Variants in NDST1 observed in about 807,000 individuals in gnomAD.
NDST1 encodes N-deacetylase and N-sulfotransferase 1, also known as bifunctional heparan sulfate N-deacetylase/N-sulfotransferase 1.
A neutral mutation model predicts 92.8 loss-of-function variants in NDST1; 35 were observed. The ratio of observed to expected loss-of-function variants is 0.38; its 90% CI spans 0.29 to 0.50. NDST1 has a LOEUF of 0.50. NDST1 is among the 20% of genes least tolerant of loss of function. The probability of loss-of-function intolerance (pLI) is 0.94; values close to 1 mark genes in which losing one functional copy is unlikely to be tolerated. For missense variants in NDST1, 822 were observed against 1,182.7 expected (o/e 0.69, Z 4.47); for synonymous variants, 493 against 500.3 (o/e 0.99, Z 0.19).
intron 1 of NDST1, among the ~76,000 whole-genome samples, chr5:150,514,560 CA>C (rs34675841): frequency 0.094 from 5,177 of 55,122 alleles, 142 homozygotes; most frequent in African/African-American, 0.25. Flanking sequence ...GACTCCGTCT[CA>C]AAAAAAAAAA....
At chr5:150,522,769 C>T (rs993467558) in intron 2 of NDST1, among the ~76,000 whole-genome samples, 23 of 152,030 alleles carry the variant, frequency 1.5e-4, no homozygotes, top group Admixed American at 1.3e-4. Flanking sequence ...GGAAAGGACA[C>T]AGAGGGTAGT....
At chr5:150,529,042 G>A (rs1332191295) in intron 3 of NDST1, among the ~76,000 whole-genome samples, 1 of 152,070 alleles carries the variant, frequency 6.6e-6, no homozygotes, top group Non-Finnish European at 1.5e-5. Context: ...AATCATGCAT[G>A]AGGCAGATTT....
intron 4 of NDST1, among the ~76,000 whole-genome samples, chr5:150,533,494 A>G (rs1411384505): frequency 1.3e-5 from 2 of 152,080 alleles, no homozygotes; most frequent in South Asian, 4.1e-4. Flanking sequence ...GGTGAGGGCT[A>G]TAGGTTGCTT....
rs561094188 is a variant in NDST1, at chr5:150,528,055, C to T, written c.765C>T (p.Asp255=). ...SSESIPHLGA[D]AGLHAALHAT... is the part of the protein sequence containing the mutation. ...AGTCCATCCCACACCTGGGCGCAGA[C>T]GCCGGCCTGCATGCTGCACTGCACG... Residue 255 remains aspartate, a synonymous_variant, in exon 3 of 15, where the codon GAC becomes GAT. Coordinates refer to ENST00000261797, the MANE Select transcript of NDST1 (RefSeq NM_001543.5). 4.8e-5 allele frequency: 78 copies of T among 1,613,652 alleles called. No homozygotes were observed. Among genetic ancestry groups the T allele is most frequent in the Admixed American group, 4.2e-4 (25 of 59,976 alleles).
chr5:150,543,678 G>A (rs983784718), intron 10 of NDST1, among the ~76,000 whole-genome samples: 2 of 152,204 alleles, frequency 1.3e-5, no homozygotes, highest in Admixed American at 6.5e-5. Flanking sequence ...CACGTGCATG[G>A]ACTGCAAAGT....
intron 1 of NDST1, among the ~76,000 whole-genome samples, chr5:150,511,562 C>T (rs1050429715): frequency 1.3e-5 from 2 of 152,164 alleles, no homozygotes; most frequent in Non-Finnish European, 2.9e-5. Context: ...AGGTCCTTTC[C>T]TCTCTCTGGG....
intron 1 of NDST1, among the ~76,000 whole-genome samples, chr5:150,500,449 C>T (rs1286160804): frequency 6.6e-6 from 1 of 152,212 alleles, no homozygotes; most frequent in East Asian, 1.9e-4. Context: ...TTCTGGGCTT[C>T]CCCAGTTGTC....
chr5:150,514,840 C>G (rs749268721), intron 1 of NDST1, among the ~76,000 whole-genome samples: 1 of 152,156 alleles, frequency 6.6e-6, no homozygotes, highest in Non-Finnish European at 1.5e-5. Context: ...TCATTCATAT[C>G]CTGAGTATTC....
In NDST1 at chr5:150,553,146, T is replaced by C. The variant is rs1755795277; in HGVS notation, c.2530-67T>C. ...ATGAGCCACCGTGCCCGGCCGAGCATGGCGATTTTTAGAGGAGGTCACTCT... is the reference window on the plus strand; with the variant it reads ...ATGAGCCACCGTGCCCGGCCGAGCACGGCGATTTTTAGAGGAGGTCACTCT... On this transcript the variant is annotated intron_variant, in intron 14 of 14. Coordinates refer to ENST00000261797, the MANE Select transcript of NDST1 (RefSeq NM_001543.5). The surrounding 1 kb of genome is among the most constrained non-coding windows in gnomAD (Gnocchi z 4.2). 2.5e-6 allele frequency: 4 copies of C among 1,570,652 alleles called. No individual in the cohort carries two copies. The highest frequency in any genetic ancestry group is 8.7e-7 in the Non-Finnish European group (1 of 1,148,596).
chr5:150,535,479 A>G (rs946404697), intron 5 of NDST1: 75 of 850,312 alleles, frequency 8.8e-5, no homozygotes, highest in Non-Finnish European at 1.1e-4. Context: ...AAGAGTCAGG[A>G]GACCTGGGTT....
At chr5:150,512,292 C>G (rs1306600568) in intron 1 of NDST1, among the ~76,000 whole-genome samples, 1 of 152,160 alleles carries the variant, frequency 6.6e-6, no homozygotes, top group African/African-American at 2.4e-5. Flanking sequence ...AGGGCATTGT[C>G]AAGAGTGACC....
chr5:150,545,511 C>G, intron 11 of NDST1, 25 bp downstream of exon 11: 2 of 1,613,874 alleles, frequency 1.2e-6, no homozygotes, highest in Admixed American at 1.7e-5. Flanking sequence ...GGTGGAGTCC[C>G]TGTGTCGGGA....
chr5:150,507,072 T>C (rs1173129282), upstream of NDST1, among the ~76,000 whole-genome samples: 4 of 152,334 alleles, frequency 2.6e-5, no homozygotes, highest in African/African-American at 9.6e-5. Flanking sequence ...AGCCATTCTT[T>C]CTGTCACCAC....
At chr5:150,548,773 G>T (rs1755600628) in intron 12 of NDST1, among the ~76,000 whole-genome samples, 1 of 151,818 alleles carries the variant, frequency 6.6e-6, no homozygotes, top group South Asian at 2.1e-4. Context: ...GGCTCAAGCA[G>T]TCCTCCCTTG....
rs1561612065 is a variant in NDST1 at position 150,553,948 on chromosome 5, A to C, written c.*616A>C. 9.8e-6 allele frequency: 4 copies of C among 409,630 alleles called. No homozygotes were observed. In the Admixed American group the frequency reaches 1.6e-4, roughly 16 times the overall value. 25.4% of individuals were successfully genotyped at this position (409,630 alleles called of 1,614,324 possible). A position where few individuals can be genotyped will look rare whatever the true frequency, so the allele number is the denominator to read the frequency against. ...AGAATTTCTGGTTCCTACAGTATCC[A>C]CTCCATCCTCAAGGCTTCCCGCAGG... is the stretch of plus-strand genomic sequence containing the variant. On this transcript the variant is annotated 3_prime_UTR_variant, in exon 15 of 15. Transcript: ENST00000261797. The surrounding 1 kb of genome is among the most constrained non-coding windows in gnomAD (Gnocchi z 4.2).
At chr5:150,511,805 G>A (rs1753735918) in intron 1 of NDST1, among the ~76,000 whole-genome samples, 1 of 152,098 alleles carries the variant, frequency 6.6e-6, no homozygotes, top group Admixed American at 6.6e-5. Flanking sequence ...GGCCTCCCAG[G>A]GATGTAATCA....
At chr5:150,502,789 C>T (rs979009873) in intron 1 of NDST1, among the ~76,000 whole-genome samples, 6 of 151,566 alleles carry the variant, frequency 4.0e-5, no homozygotes, top group Admixed American at 2.0e-4. Context: ...ACAGGGAGTT[C>T]CTTCTGGGGT....
In NDST1 at chr5:150,521,182, TCTC is replaced by T. The variant is rs1754226026; in HGVS notation, c.-67_-65del. 3 of 1,376,626 alleles carry T rather than the reference TCTC, an allele frequency of 2.2e-6. No individual in the cohort carries two copies. Among genetic ancestry groups the T allele is most frequent in the South Asian group, 2.5e-5 (2 of 78,950 alleles). 85.3% of individuals were successfully genotyped at this position (1,376,626 alleles called of 1,614,324 possible). On this transcript the variant is annotated 5_prime_UTR_variant, in exon 2 of 15. Coordinates refer to ENST00000261797, the MANE Select transcript of NDST1 (RefSeq NM_001543.5). The surrounding 1 kb of genome is among the most constrained non-coding windows in gnomAD (Gnocchi z 5.9). ...TGTTGGTCAGTGGACGATTCTCGTG[TCTC>T]CTCCTGTGTGGGGCCTTGGGGTAGC...
chr5:150,524,696 G>T (rs916732289), intron 2 of NDST1, among the ~76,000 whole-genome samples: 5 of 152,234 alleles, frequency 3.3e-5, no homozygotes, highest in African/African-American at 1.2e-4. Flanking sequence ...AGTGTCCCTT[G>T]TCTGAAATGC....
Sources: gnomAD v4.1 joint callset for allele counts (sites outside exome capture counted in the v4.1 genomes callset) on GRCh38, gnomAD v4.1.1 for gene constraint, Gnocchi (gnomAD v3.1) non-coding constraint, MANE v1.5 for transcripts, NCBI Gene and HGNC (gene_info 2026-07-23, HGNC 2026-07-21) for gene names.